Variants in NMNAT1 observed in about 807,000 individuals in gnomAD.
The protein encoded by NMNAT1 is nicotinamide nucleotide adenylyltransferase 1, also known as nicotinamide/nicotinic acid mononucleotide adenylyltransferase 1.
In NMNAT1, 11 loss-of-function variants were observed where a neutral mutation model predicts 16.7. The observed-to-expected ratio is 0.66, with a 90% CI of 0.41 to 1.09. The LOEUF (loss-of-function observed/expected upper bound fraction) is 1.09. Among genes scored for constraint, NMNAT1 ranks in the 50% least tolerant of loss-of-function variants. The pLI, the probability that NMNAT1 is intolerant of heterozygous loss-of-function variation, is 0.00. For missense variants in NMNAT1, 280 were observed against 332.3 expected (o/e 0.84, Z 1.22); for synonymous variants, 110 against 119.8 (o/e 0.92, Z 0.53).
chr1:9,964,757 G>A (rs1227896652), intron 1 of NMNAT1, among the ~76,000 whole-genome samples: 1 of 150,900 alleles, frequency 6.6e-6, no homozygotes, highest in Non-Finnish European at 1.5e-5. Flanking sequence ...GACCATCCTG[G>A]GCTAACACGG....
the NMNAT1 span, among the ~76,000 whole-genome samples, chr1:9,995,491 G>A: frequency 8.6e-5 from 13 of 151,388 alleles, no homozygotes; most frequent in East Asian, 2.0e-4. Context: ...TTGGGAGTTC[G>A]AGACCTACCT....
intron 2 of NMNAT1, among the ~76,000 whole-genome samples, chr1:9,973,590 C>A (rs1481365361): frequency 6.6e-6 from 1 of 150,636 alleles, no homozygotes; most frequent in Non-Finnish European, 1.5e-5. Context: ...TGCCTGTAGT[C>A]CCAGCTACTT....
At chr1:9,981,205 T>G (rs531632838) in intron 4 of NMNAT1, 35 bp downstream of exon 4, 1 of 1,588,070 alleles carries the variant, frequency 6.3e-7, no homozygotes, top group East Asian at 2.2e-5. Context: ...CGGACTAGAG[T>G]TGATAAGATT....
intron 2 of NMNAT1, among the ~76,000 whole-genome samples, chr1:9,973,110 TTTTCTTTC>T (rs1200287326): frequency 2.0e-5 from 3 of 152,134 alleles, no homozygotes; most frequent in Non-Finnish European, 4.4e-5. Flanking sequence ...AAGTTTTCTT[TTTTCTTTC>T]TTTCTTTCTT....
chr1:9,985,930 T>C (rs1642040239), downstream of NMNAT1, among the ~76,000 whole-genome samples: 1 of 152,234 alleles, frequency 6.6e-6, no homozygotes. Flanking sequence ...ATTACAGGTG[T>C]GAGCCATCAC....
At chr1:9,955,275 G>A (rs1340460473) in intron 1 of NMNAT1, among the ~76,000 whole-genome samples, 1 of 151,858 alleles carries the variant, frequency 6.6e-6, no homozygotes, top group African/African-American at 2.4e-5. Flanking sequence ...GTGGTGGTAT[G>A]CACCTGTAAT....
intron 1 of NMNAT1, among the ~76,000 whole-genome samples, chr1:9,968,220 C>T (rs574768499): frequency 9.5e-4 from 144 of 151,298 alleles, no homozygotes; most frequent in African/African-American, 3.0e-3. Flanking sequence ...TACAGGTGCC[C>T]GCCACCACGC....
chr1:9,948,937 G>T (rs1476816627), intron 1 of NMNAT1, among the ~76,000 whole-genome samples: 1 of 151,450 alleles, frequency 6.6e-6, no homozygotes, highest in Non-Finnish European at 1.5e-5. Flanking sequence ...GTCAGCCACT[G>T]TGTCTGGCCC....
In NMNAT1 at chr1:9,952,859, A is replaced by G. The variant is rs1263532118; in HGVS notation, c.-57+9344A>G. Among the ~76,000 whole-genome samples, 6 of 152,230 alleles carry G rather than the reference A, an allele frequency of 3.9e-5. No homozygotes were observed. The East Asian group carries it at 1.2e-3, about 29-fold the overall frequency. On this transcript the variant is annotated intron_variant, in intron 1 of 4. Coordinates refer to ENST00000377205, the MANE Select transcript of NMNAT1 (RefSeq NM_022787.4). ...CGGCTAGAAACATATTTGAGCCACC[A>G]CGCTCGGCTAGAAACAGATTCTTGA...
chr1:9,977,209 A>T lies in NMNAT1; in HGVS notation c.299+1434A>T, dbSNP rs114951198. 5.1e-3 allele frequency among the ~76,000 whole-genome samples: 772 copies of T among 151,918 alleles called. 4 individuals are homozygous for T. The highest frequency in any genetic ancestry group is 0.01 in the Middle Eastern group (3 of 294). ...AGAGGTGAGCCACCGCACCTGGCTG[A>T]CACCTAATTATCTCTTAATGTTATT... On this transcript the variant is annotated intron_variant, in intron 3 of 4. Transcript: ENST00000377205.
upstream of NMNAT1, chr1:9,943,133 A>T (rs1039041729): frequency 9.7e-5 from 17 of 175,532 alleles, no homozygotes; most frequent in African/African-American, 4.0e-4. Context: ...ATCCCACCCC[A>T]CGCGGGAACT....
the NMNAT1 span, among the ~76,000 whole-genome samples, chr1:9,993,922 G>A: frequency 0.013 from 2,044 of 152,164 alleles, 51 homozygotes; most frequent in African/African-American, 0.047. Flanking sequence ...GGCACTGAAC[G>A]TGCAGGCAGG....
rs979409858 is a variant in NMNAT1 at position 9,961,700 on chromosome 1, C to T, written c.-56-10318C>T. On this transcript the variant is annotated intron_variant, in intron 1 of 4. Coordinates refer to ENST00000377205, the MANE Select transcript of NMNAT1 (RefSeq NM_022787.4). ...CTAGTGACTACTACTGAACCTTCTC[C>T]GTTATTCCCTAAGAACAGTTAGCAG... is the stretch of plus-strand genomic sequence containing the variant. Among the ~76,000 whole-genome samples the T allele has an allele frequency of 7.2e-5, 11 of 152,224 alleles. No homozygotes were observed. In the South Asian group the frequency reaches 1.7e-3, roughly 23 times the overall value.
intron 1 of NMNAT1, among the ~76,000 whole-genome samples, chr1:9,945,219 G>A (rs543365336): frequency 6.6e-6 from 1 of 152,148 alleles, no homozygotes; most frequent in South Asian, 2.1e-4. Flanking sequence ...GGGTGACAGA[G>A]CAACTCCGTC....
chr1:9,970,706 A>C (rs911798908), intron 1 of NMNAT1, among the ~76,000 whole-genome samples: 2 of 151,946 alleles, frequency 1.3e-5, no homozygotes, highest in Admixed American at 6.6e-5. Flanking sequence ...AAAAAAAAGA[A>C]ATTTTAATAA....
chr1:9,944,514 T>C (rs1640920365), intron 1 of NMNAT1, among the ~76,000 whole-genome samples: 1 of 152,200 alleles, frequency 6.6e-6, no homozygotes, highest in Non-Finnish European at 1.5e-5. Context: ...GGCAGTTTTT[T>C]TTTAAGTAAC....
chr1:9,957,423 C>G (rs1203916693), intron 1 of NMNAT1, among the ~76,000 whole-genome samples: 1 of 151,752 alleles, frequency 6.6e-6, no homozygotes, highest in Non-Finnish European at 1.5e-5. Flanking sequence ...CGGGTTCAAG[C>G]AATTCTCCTT....
chr1:9,973,524 G>A (rs1177040775), intron 2 of NMNAT1, among the ~76,000 whole-genome samples: 11 of 150,560 alleles, frequency 7.3e-5, no homozygotes, highest in African/African-American at 2.2e-4. Context: ...TGGCTAACAC[G>A]GTGAAACCCC....
chr1:9,945,752 C>CT (rs1463618189), intron 1 of NMNAT1, among the ~76,000 whole-genome samples: 1 of 152,068 alleles, frequency 6.6e-6, no homozygotes, highest in Non-Finnish European at 1.5e-5. Context: ...TCACAGTGTA[C>CT]TTTCCCTGAT....
Sources: gnomAD v4.1 joint callset for allele counts (sites outside exome capture counted in the v4.1 genomes callset) on GRCh38, gnomAD v4.1.1 for gene constraint, MANE v1.5 for transcripts, NCBI Gene and HGNC (gene_info 2026-07-23, HGNC 2026-07-21) for gene names.